The following PRKN variants were observed in gnomAD, a reference collection of about 807,000 sequenced individuals.
PRKN encodes parkin RBR E3 ubiquitin protein ligase.
A neutral mutation model predicts 59.5 loss-of-function variants in PRKN; 56 were observed. The ratio of observed to expected loss-of-function variants is 0.94; its 90% CI spans 0.76 to 1.18. The LOEUF (loss-of-function observed/expected upper bound fraction) is 1.18, where lower values mean the gene tolerates loss of function less well. PRKN is among the 50% of genes most tolerant of loss of function. The probability of loss-of-function intolerance (pLI) is 0.00; values close to 1 mark genes in which losing one functional copy is unlikely to be tolerated. For synonymous variants in PRKN, 250 were observed against 222.1 expected, an observed-to-expected ratio of 1.13 and a Z score of -1.12; for missense variants, 657 against 596.4, an observed-to-expected ratio of 1.10 and a Z score of -1.06.
At chr6:162,176,920 A>G (rs952901) in intron 4 of PRKN, among the ~76,000 whole-genome samples, 71,707 of 139,362 alleles carry the variant, frequency 0.51, 19,194 homozygotes, top group Non-Finnish European at 0.63. Context: ...TCTGAACACA[A>G]TGAAATTCCT....
At chr6:161,598,314 C>T (rs1393248624) in intron 7 of PRKN, among the ~76,000 whole-genome samples, 1 of 152,148 alleles carries the variant, frequency 6.6e-6, no homozygotes, top group Non-Finnish European at 1.5e-5. Context: ...GCATGAAAGT[C>T]TGATAAAGCT....
In PRKN at chr6:162,376,441, C is replaced by T. The variant is rs75547754; in HGVS notation, c.171+66869G>A. On this transcript the variant is annotated intron_variant, in intron 2 of 11. Transcript: ENST00000366898. ...GTAATCCCTCACATTCATGTTTCCC[C>T]GCCGTGTAGAAAAGCTATACAGGGT... is the stretch of plus-strand genomic sequence containing the variant. 3.1e-3 allele frequency among the ~76,000 whole-genome samples: 466 copies of T among 151,892 alleles called. 6 individuals carry two copies. Among genetic ancestry groups the T allele is most frequent in the East Asian group, 0.023 (119 of 5,070 alleles).
rs546726347 is a variant in PRKN, at chr6:162,385,292, C to T, written c.171+58018G>A. Among the ~76,000 whole-genome samples, 21 of 152,192 alleles carry T rather than the reference C, an allele frequency of 1.4e-4. No individual in the cohort carries two copies. The East Asian group carries it at 2.9e-3, about 21-fold the overall frequency. ...ACACCAGTTATCTGCAACCCCTGTA[C>T]GCCCAACATGGTATAAAGCAAAAAG... On this transcript the variant is annotated intron_variant, in intron 2 of 11. Transcript: ENST00000366898.
At chr6:161,682,736 G>A (rs1305516028) in intron 7 of PRKN, among the ~76,000 whole-genome samples, 1 of 152,130 alleles carries the variant, frequency 6.6e-6, no homozygotes, top group Admixed American at 6.5e-5. Flanking sequence ...GCAGAGGGCC[G>A]CTCTGCAAGA....
chr6:161,824,389 C>T (rs982743179), intron 6 of PRKN, among the ~76,000 whole-genome samples: 2 of 152,334 alleles, frequency 1.3e-5, no homozygotes, highest in African/African-American at 4.8e-5. Flanking sequence ...TGCATAAACA[C>T]AAATGAATCA....
chr6:162,611,035 G>A (rs577578588), intron 1 of PRKN, among the ~76,000 whole-genome samples: 1 of 152,030 alleles, frequency 6.6e-6, no homozygotes, highest in Admixed American at 6.6e-5. Flanking sequence ...TTTATTTTTT[G>A]TATATCAGAA....
At chr6:162,340,214 GCTCT>G (rs1784112111) in intron 2 of PRKN, among the ~76,000 whole-genome samples, 1 of 150,966 alleles carries the variant, frequency 6.6e-6, no homozygotes, top group African/African-American at 2.4e-5. Context: ...AATCAGAAAA[GCTCT>G]CTAATTCTAT....
At chr6:162,655,030 C>T (rs562125824) in intron 1 of PRKN, among the ~76,000 whole-genome samples, 4 of 152,178 alleles carry the variant, frequency 2.6e-5, no homozygotes, top group African/African-American at 9.6e-5. Flanking sequence ...ATTCTGTATG[C>T]ATAGTTATAC....
rs1327647742 is a variant in PRKN, at chr6:161,526,293, A to C, written c.1083+22561T>G. Among the ~76,000 whole-genome samples the C allele has an allele frequency of 6.6e-6, 1 of 152,218 alleles. No individual in the cohort carries two copies. Among genetic ancestry groups the C allele is most frequent in the Non-Finnish European group, 1.5e-5 (1 of 68,046 alleles). ...GACACTCATGTGTTCAGACACATGC[A>C]TGTGCGTGCACACAAACACACCTGT... On this transcript the variant is annotated intron_variant, in intron 9 of 11. Transcript: ENST00000366898. This position sits in a 1 kb window ranked among gnomAD's most constrained non-coding sequence, Gnocchi z 4.1.
rs547788030 is a variant in PRKN at position 161,372,975 on chromosome 6, T to G, written c.1168-12770A>C. On this transcript the variant is annotated intron_variant, in intron 10 of 11. Coordinates refer to ENST00000366898, the MANE Select transcript of PRKN (RefSeq NM_004562.3). This position sits in a 1 kb window ranked among gnomAD's most constrained non-coding sequence, Gnocchi z 4.2. ...CACATGCTTCTGTCCTCTGCTGATC[T>G]TTAAAAAATATTTTTTGTAGAGATG... Among the ~76,000 whole-genome samples, 8 of 152,160 alleles carry G rather than the reference T, an allele frequency of 5.3e-5. No homozygotes were observed. The South Asian group carries it at 1.7e-3, about 32-fold the overall frequency.
rs1244075924 is a variant in PRKN at position 161,894,295 on chromosome 6, TA to T, written c.734+79006del. Among the ~76,000 whole-genome samples the T allele has an allele frequency of 6.6e-5, 10 of 152,338 alleles. No individual in the cohort carries two copies. In the East Asian group the frequency reaches 1.9e-3, roughly 29 times the overall value. On this transcript the variant is annotated intron_variant, in intron 6 of 11. Coordinates refer to ENST00000366898, the MANE Select transcript of PRKN (RefSeq NM_004562.3). ...GTCACTGATTTCATGCGAGTCTCAT[TA>T]TTTCCTTCCTAGACCACTATGGTAT...
In PRKN at chr6:161,353,017, A is replaced by ACAAG. The variant is rs1562388860; in HGVS notation, c.1286-2807_1286-2806insCTTG. On this transcript the variant is annotated intron_variant, in intron 11 of 11. Transcript: ENST00000366898. The surrounding 1 kb of genome is among the most constrained non-coding windows in gnomAD (Gnocchi z 4.8). ...CTGGTCTCAAACTCCTGACCTCGTG[A>ACAAG]TCTGCCTGCCTTGGCCTCCCAAAGT... Among the ~76,000 whole-genome samples the ACAAG allele has an allele frequency of 6.6e-6, 1 of 152,062 alleles. No individual in the cohort carries two copies. Among genetic ancestry groups the ACAAG allele is most frequent in the Non-Finnish European group, 1.5e-5 (1 of 68,010 alleles).
chr6:162,620,972 G>A (rs996726010), intron 1 of PRKN, among the ~76,000 whole-genome samples: 6 of 152,048 alleles, frequency 3.9e-5, no homozygotes, highest in African/African-American at 1.5e-4. Context: ...ATAGCTTCTC[G>A]GATCCAGTGT....
chr6:161,508,847 CTTTT>C (rs756937175), intron 9 of PRKN, among the ~76,000 whole-genome samples: 2 of 144,932 alleles, frequency 1.4e-5, no homozygotes, highest in African/African-American at 5.1e-5. Context: ...GTTATAATTC[CTTTT>C]TTTTTTTTTG....
chr6:161,513,986 T>C (rs1778495511), intron 9 of PRKN, among the ~76,000 whole-genome samples: 1 of 152,058 alleles, frequency 6.6e-6, no homozygotes, highest in Non-Finnish European at 1.5e-5. Flanking sequence ...CTATGAAAAG[T>C]TGGTGGTTGT....
In PRKN at chr6:161,548,996, C is replaced by G. The variant is rs763652747; in HGVS notation, c.941G>C (p.Arg314Pro). The G allele has an allele frequency of 6.2e-7, 1 of 1,614,052 alleles. No individual in the cohort carries two copies. Among genetic ancestry groups the G allele is most frequent in the Non-Finnish European group, 8.5e-7 (1 of 1,180,040 alleles). ...CTCCTCTGCACCATACTGCTGGTAC[C>G]GGTTGTACTGCAAAACCCAAAAAGC... The part of the protein sequence containing the change: ...FRILGEEQYN[R>P]YQQYGAEECV... Residue 314 changes from arginine (R) to proline (P), a missense_variant, in exon 9 of 12, where the codon CGG (arginine) becomes CCG (proline). Coordinates refer to ENST00000366898, the MANE Select transcript of PRKN (RefSeq NM_004562.3). The surrounding 1 kb of genome is among the most constrained non-coding windows in gnomAD (Gnocchi z 4.2).
intron 1 of PRKN, among the ~76,000 whole-genome samples, chr6:162,638,402 T>A (rs2128223932): frequency 6.6e-6 from 1 of 152,202 alleles, no homozygotes; most frequent in African/African-American, 2.4e-5. Flanking sequence ...TCCAACTCTG[T>A]CTCCCTGGTA....
intron 7 of PRKN, among the ~76,000 whole-genome samples, chr6:161,781,409 TA>T (rs1425651235): frequency 1.3e-5 from 2 of 152,168 alleles, no homozygotes; most frequent in African/African-American, 4.8e-5. Flanking sequence ...CACTCCCTAT[TA>T]AAACCAAGAA....
At position 161,363,141 on chromosome 6, in the gene PRKN, C is replaced by A. The variant is rs1785042622; in HGVS notation, c.1168-2936G>T. On this transcript the variant is annotated intron_variant, in intron 10 of 11. Coordinates refer to ENST00000366898, the MANE Select transcript of PRKN (RefSeq NM_004562.3). This position sits in a 1 kb window ranked among gnomAD's most constrained non-coding sequence, Gnocchi z 4.1. ...CCTGTAGTCCCAGGTACTTGGGAGG[C>A]TGAGGCAGGAGAAGTACCTGAACCT... 6.6e-6 allele frequency among the ~76,000 whole-genome samples: 1 copy of A among 152,140 alleles called. No individual in the cohort carries two copies. Among genetic ancestry groups the A allele is most frequent in the African/African-American group, 2.4e-5 (1 of 41,438 alleles).
Sources: gnomAD v4.1 joint callset for allele counts (sites outside exome capture counted in the v4.1 genomes callset) on GRCh38, gnomAD v4.1.1 for gene constraint, Gnocchi (gnomAD v3.1) non-coding constraint, MANE v1.5 for transcripts, NCBI Gene and HGNC (gene_info 2026-07-23, HGNC 2026-07-21) for gene names.